The following EIF3J variants were observed in gnomAD, a reference collection of about 807,000 sequenced individuals.
EIF3J encodes the protein eukaryotic translation initiation factor 3 subunit J.
Under a neutral mutation model 39.0 loss-of-function variants are expected in EIF3J, and 15 were observed. That is an observed-to-expected ratio of 0.38 (90% CI 0.26 to 0.59). EIF3J has a LOEUF of 0.59. Ranked by LOEUF, EIF3J falls within the 20% of genes least tolerant of loss-of-function variation. The pLI, the probability that EIF3J is intolerant of heterozygous loss-of-function variation, is 0.60. For missense variants in EIF3J, 226 were observed against 308.6 expected (o/e 0.73, Z 2.00); for synonymous variants, 98 against 112.9 (o/e 0.87, Z 0.84).
chr15:44,560,901 C>T, intron 7 of EIF3J, 117 bp from the exon 8 acceptor site: 1 of 1,379,724 alleles, frequency 7.2e-7, no homozygotes, highest in Non-Finnish European at 9.7e-7. Flanking sequence ...ATGTCCCTTA[C>T]AGAACTAGTG....
chr15:44,537,495 C>G (rs955472318), intron 2 of EIF3J, 68 bp downstream of exon 2: 10 of 1,415,880 alleles, frequency 7.1e-6, no homozygotes, highest in South Asian at 1.5e-5. Context: ...GACTCTGGGC[C>G]CCGGGTCGCT....
At chr15:44,560,981 C>T (rs762677120) in intron 7 of EIF3J, 37 bp from the exon 8 acceptor site, 2 of 1,607,706 alleles carry the variant, frequency 1.2e-6, no homozygotes, top group South Asian at 1.1e-5. Context: ...GCCCATAGCA[C>T]ACTAAGGTTC....
At chr15:44,560,413 T>TTAAA (rs1470281582) in intron 7 of EIF3J, 91 bp downstream of exon 7, 1 of 1,271,938 alleles carries the variant, frequency 7.9e-7, no homozygotes, top group Non-Finnish European at 1.1e-6. Flanking sequence ...CCTGTCCTAA[T>TTAAA]TAAAAGTCAA....
chr15:44,538,830 A>G (rs577067645), intron 2 of EIF3J, among the ~76,000 whole-genome samples: 6 of 152,208 alleles, frequency 3.9e-5, no homozygotes, highest in Non-Finnish European at 5.9e-5. Flanking sequence ...ATTTTTTTCC[A>G]TGCATATAGG....
At chr15:44,552,472 T>C (rs1213353522) in intron 4 of EIF3J, among the ~76,000 whole-genome samples, 1 of 152,202 alleles carries the variant, frequency 6.6e-6, no homozygotes, top group Non-Finnish European at 1.5e-5. Context: ...CTCAAACTCC[T>C]GACCTCAAGT....
intron 2 of EIF3J, among the ~76,000 whole-genome samples, chr15:44,538,890 T>C (rs1443095901): frequency 2.0e-5 from 3 of 152,122 alleles, no homozygotes; most frequent in African/African-American, 7.2e-5. Flanking sequence ...AATTAACAAA[T>C]GCAGAGAAAA....
intron 2 of EIF3J, among the ~76,000 whole-genome samples, chr15:44,541,532 TGAA>T (rs2082014559): frequency 6.6e-6 from 1 of 152,304 alleles, no homozygotes; most frequent in Non-Finnish European, 1.5e-5. Context: ...AGAGCGATCC[TGAA>T]GAACAGATTT....
At chr15:44,556,388 C>A (rs1401121593) in intron 5 of EIF3J, among the ~76,000 whole-genome samples, 2 of 152,074 alleles carry the variant, frequency 1.3e-5, no homozygotes, top group African/African-American at 4.8e-5. Flanking sequence ...GTCATCCAGT[C>A]TGGAATGCAG....
chr15:44,555,211 TATAA>T (rs2140900588), intron 5 of EIF3J, among the ~76,000 whole-genome samples: 1 of 152,320 alleles, frequency 6.6e-6, no homozygotes, highest in South Asian at 2.1e-4. Flanking sequence ...TGCAGGATCC[TATAA>T]ATAGATAAAT....
At chr15:44,538,970 A>G (rs2081984789) in intron 2 of EIF3J, among the ~76,000 whole-genome samples, 1 of 152,188 alleles carries the variant, frequency 6.6e-6, no homozygotes. Context: ...AATGTCATGG[A>G]ATAACTTCCT....
At chr15:44,539,735 T>C (rs940319383) in intron 2 of EIF3J, among the ~76,000 whole-genome samples, 26 of 147,086 alleles carry the variant, frequency 1.8e-4, no homozygotes, top group African/African-American at 6.4e-4. Flanking sequence ...TCTTTTTCTT[T>C]TTTTTTTTTT....
chr15:44,562,388 G>A lies in EIF3J; in HGVS notation c.*1239G>A, dbSNP rs1800049263. 6.6e-6 allele frequency: 1 copy of A among 152,330 alleles called. No individual in the cohort carries two copies. The highest frequency in any genetic ancestry group is 2.1e-4 in the South Asian group (1 of 4,832). The allele number at this position is 152,330 out of a possible 1,614,324, so 9.4% of individuals were successfully genotyped here. A position where few individuals can be genotyped will look rare whatever the true frequency, so the allele number is the denominator to read the frequency against. ...GAGCCTGTAACTCAGGTTTATGGCT[G>A]TTAAGTATAGATTGGGGAATCTTTA... On this transcript the variant is annotated 3_prime_UTR_variant, in exon 8 of 8. Coordinates refer to ENST00000261868, the MANE Select transcript of EIF3J (RefSeq NM_003758.4).
intron 2 of EIF3J, among the ~76,000 whole-genome samples, chr15:44,538,084 G>C (rs1007938520): frequency 6.6e-6 from 1 of 152,092 alleles, no homozygotes; most frequent in African/African-American, 2.4e-5. Context: ...GAAATGGAGA[G>C]ACGACAGTTA....
At chr15:44,545,832 T>G (rs2140893337) in intron 2 of EIF3J, among the ~76,000 whole-genome samples, 1 of 152,324 alleles carries the variant, frequency 6.6e-6, no homozygotes, top group South Asian at 2.1e-4. Flanking sequence ...TTTAAAGAAC[T>G]TTGGTCCATT....
At chr15:44,557,390 G>T in intron 5 of EIF3J, 99 bp from the exon 6 acceptor site, 2 of 887,782 alleles carry the variant, frequency 2.3e-6, no homozygotes, top group Admixed American at 3.6e-5. Flanking sequence ...GCTTTAGAAT[G>T]AAACGACAGG....
chr15:44,555,005 G>C (rs949572351), intron 5 of EIF3J, among the ~76,000 whole-genome samples: 1 of 152,186 alleles, frequency 6.6e-6, no homozygotes, highest in Non-Finnish European at 1.5e-5. Flanking sequence ...ATGGACTGTA[G>C]GGCTGTCCTG....
At chr15:44,557,742 A>G in intron 6 of EIF3J, 92 bp downstream of exon 6, 1 of 956,994 alleles carries the variant, frequency 1.0e-6, no homozygotes. Flanking sequence ...TTTCAAGGAT[A>G]CTATAATACA....
At chr15:44,539,101 A>G (rs890105004) in intron 2 of EIF3J, among the ~76,000 whole-genome samples, 15 of 144,336 alleles carry the variant, frequency 1.0e-4, no homozygotes, top group African/African-American at 3.9e-4. Flanking sequence ...ATCTTGGCTC[A>G]CTGCAACCTC....
chr15:44,537,192 G>C lies in EIF3J; in HGVS notation c.-3G>C, dbSNP rs772980164. The C allele has an allele frequency of 1.2e-6, 2 of 1,611,068 alleles. No homozygotes were observed. The highest frequency in any genetic ancestry group is 2.2e-5 in the East Asian group (1 of 44,740). ...TCTCACACACGCTCACACCCGGCTC[G>C]AGATGGCGGCGGCGGCGGCGGCGGC... On this transcript the variant is annotated 5_prime_UTR_variant, in exon 1 of 8. Coordinates refer to ENST00000261868, the MANE Select transcript of EIF3J (RefSeq NM_003758.4).
Sources: gnomAD v4.1 joint callset for allele counts (sites outside exome capture counted in the v4.1 genomes callset) on GRCh38, gnomAD v4.1.1 for gene constraint, MANE v1.5 for transcripts, NCBI Gene and HGNC (gene_info 2026-07-23, HGNC 2026-07-21) for gene names.